RPA3: variants seen among roughly 807,000 people sequenced by gnomAD.
RPA3 encodes replication protein A 14 kDa subunit.
In RPA3, 24 loss-of-function variants were observed where a neutral mutation model predicts 13.7. The ratio of observed to expected loss-of-function variants is 1.75; its 90% CI spans 1.27 to 2.46. The LOEUF is 2.46. Among genes scored for constraint, RPA3 ranks in the 30% most tolerant of loss-of-function variants. The probability of loss-of-function intolerance (pLI) is 0.00; values close to 1 mark genes in which losing one functional copy is unlikely to be tolerated. For synonymous variants in RPA3, 59 were observed against 51.2 expected (o/e 1.15, Z -0.65); for missense variants, 183 against 151.0 (o/e 1.21, Z -1.11).
chr7:7,697,416 C>T (rs1201873106), intron 2 of RPA3, among the ~76,000 whole-genome samples: 3 of 152,066 alleles, frequency 2.0e-5, no homozygotes, highest in Admixed American at 6.6e-5. Flanking sequence ...TATTTCATTT[C>T]CTGTAAGTTA....
intron 4 of RPA3, among the ~76,000 whole-genome samples, chr7:7,648,586 C>A (rs1785150030): frequency 6.6e-6 from 1 of 152,154 alleles, no homozygotes; most frequent in African/African-American, 2.4e-5. Context: ...GGAATTGGCT[C>A]ACTCCTGTAA....
chr7:7,663,323 T>A (rs1293909069), intron 4 of RPA3, among the ~76,000 whole-genome samples: 3 of 148,592 alleles, frequency 2.0e-5, no homozygotes, highest in African/African-American at 7.5e-5. Flanking sequence ...AGTCTGAGCA[T>A]AAATAAGAGA....
At chr7:7,652,247 A>G (rs1027121000) in intron 4 of RPA3, among the ~76,000 whole-genome samples, 2 of 152,140 alleles carry the variant, frequency 1.3e-5, no homozygotes, top group Admixed American at 6.5e-5. Flanking sequence ...CTTTGATAGG[A>G]TTTCCGAGTA....
At chr7:7,667,413 C>T (rs78641424) in intron 4 of RPA3, among the ~76,000 whole-genome samples, 4,601 of 152,182 alleles carry the variant, frequency 0.03, 117 homozygotes, top group South Asian at 0.11. Context: ...TAGAGCTTAC[C>T]GCATACTAGG....
chr7:7,706,106 C>T (rs534765122), intron 2 of RPA3, among the ~76,000 whole-genome samples: 2 of 152,170 alleles, frequency 1.3e-5, no homozygotes, highest in Non-Finnish European at 2.9e-5. Flanking sequence ...ATGATGGAGT[C>T]AGGATGCTAC....
At chr7:7,711,024 C>T (rs1366866687) in intron 2 of RPA3, among the ~76,000 whole-genome samples, 2 of 152,050 alleles carry the variant, frequency 1.3e-5, no homozygotes, top group Middle Eastern at 3.4e-3. Context: ...CATTGGTCGC[C>T]GGTGGGTAAG....
intron 4 of RPA3, among the ~76,000 whole-genome samples, chr7:7,673,106 T>C (rs1779647476): frequency 6.6e-6 from 1 of 152,208 alleles, no homozygotes; most frequent in Non-Finnish European, 1.5e-5. Flanking sequence ...CACTGTGAAC[T>C]TCAAAGGATA....
At chr7:7,686,696 A>C (rs1279236891) in intron 3 of RPA3, among the ~76,000 whole-genome samples, 1 of 152,172 alleles carries the variant, frequency 6.6e-6, no homozygotes, top group Non-Finnish European at 1.5e-5. Flanking sequence ...CTTTAGCTTC[A>C]CTGTGATATG....
rs901206090 is a variant in RPA3, at chr7:7,673,399, G to C, written c.-758+12431C>G. 14 of 1,165,792 alleles carry C rather than the reference G, an allele frequency of 1.2e-5. 1 individual carries two copies. The highest frequency in any genetic ancestry group is 1.6e-5 in the Non-Finnish European group (13 of 806,702). The allele number at this position is 1,165,792 out of a possible 1,614,324, so 72.2% of individuals were successfully genotyped here. On this transcript the variant is annotated intron_variant, in intron 4 of 7. Transcript: ENST00000223129. ...GTTTCACTTCTTCAGAAAGCCTCCG[G>C]AATCTAAAAAGCCCTCAGTACCAGA... is the stretch of plus-strand genomic sequence containing the variant.
At position 7,637,098 on chromosome 7, in the gene RPA3, A is replaced by C. The variant is rs1459687100; in HGVS notation, c.284-16T>G. The C allele has an allele frequency of 6.5e-7, 1 of 1,533,274 alleles. No homozygotes were observed. The highest frequency in any genetic ancestry group is 9.0e-7 in the Non-Finnish European group (1 of 1,107,808). 95.0% of individuals were successfully genotyped at this position (1,533,274 alleles called of 1,614,324 possible). ...AGTCCAAGATCTGAAAGAAACATTTAAGCAAACATTTAATCTACAATGGAA... is the reference window on the plus strand; with the variant it reads ...AGTCCAAGATCTGAAAGAAACATTTCAGCAAACATTTAATCTACAATGGAA... On this transcript the variant is annotated splice_polypyrimidine_tract_variant and intron_variant, in intron 7 of 7. Coordinates refer to ENST00000223129, the MANE Select transcript of RPA3 (RefSeq NM_002947.5).
At chr7:7,673,496 C>G (rs1355701045) in intron 4 of RPA3, 1 of 694,130 alleles carries the variant, frequency 1.4e-6, no homozygotes, top group Admixed American at 2.3e-5. Flanking sequence ...GAATTATGTT[C>G]TCTTTAAAAA....
chr7:7,685,895 T>C lies in RPA3; in HGVS notation c.-823A>G, dbSNP rs1287681534. The C allele has an allele frequency of 6.6e-6, 1 of 152,246 alleles. No individual in the cohort carries two copies. Among genetic ancestry groups the C allele is most frequent in the Admixed American group, 6.5e-5 (1 of 15,276 alleles). The allele number at this position is 152,246 out of a possible 1,614,324, so 9.4% of individuals were successfully genotyped here. On this transcript the variant is annotated 5_prime_UTR_variant, in exon 4 of 8. Coordinates refer to ENST00000223129, the MANE Select transcript of RPA3 (RefSeq NM_002947.5). ...TGGTAAATTAGTGTCGTATCTTTTT[T>C]TGATTGTAGTAATCAGTAAGTGAAC...
intron 2 of RPA3, among the ~76,000 whole-genome samples, chr7:7,690,334 C>G (rs897809196): frequency 6.6e-6 from 1 of 151,666 alleles, no homozygotes; most frequent in East Asian, 1.9e-4. Context: ...TATATGTTTC[C>G]TTTTACCATC....
chr7:7,697,356 T>A (rs890147181), intron 2 of RPA3, among the ~76,000 whole-genome samples: 1 of 152,232 alleles, frequency 6.6e-6, no homozygotes, highest in African/African-American at 2.4e-5. Context: ...GTTGCAGCAT[T>A]TAATTTGTTT....
intron 4 of RPA3, among the ~76,000 whole-genome samples, chr7:7,683,771 C>T (rs1779971276): frequency 6.6e-6 from 1 of 152,084 alleles, no homozygotes; most frequent in Non-Finnish European, 1.5e-5. Flanking sequence ...TACAGGCATG[C>T]ACCACCACAC....
chr7:7,690,877 T>C (rs1214287608), intron 2 of RPA3, among the ~76,000 whole-genome samples: 2 of 152,222 alleles, frequency 1.3e-5, no homozygotes, highest in East Asian at 1.9e-4. Context: ...TTATGACTTA[T>C]ACCTGTTATG....
intron 2 of RPA3, among the ~76,000 whole-genome samples, chr7:7,704,355 A>C (rs1333756751): frequency 6.6e-6 from 1 of 152,146 alleles, no homozygotes; most frequent in Admixed American, 6.5e-5. Flanking sequence ...CTAATATGAA[A>C]AATATTAACA....
At chr7:7,715,688 C>T (rs965086364) in intron 1 of RPA3, among the ~76,000 whole-genome samples, 8 of 152,142 alleles carry the variant, frequency 5.3e-5, no homozygotes, top group East Asian at 1.9e-4. Flanking sequence ...ACCTAAAAGT[C>T]ATAGTTTTAC....
chr7:7,638,105 A>C (rs1238760909), intron 6 of RPA3, 133 bp from the exon 7 acceptor site: 9 of 553,276 alleles, frequency 1.6e-5, no homozygotes, highest in Middle Eastern at 2.8e-4. Flanking sequence ...CCAGTGTAAA[A>C]GTTAAAATGT....
Sources: gnomAD v4.1 joint callset for allele counts (sites outside exome capture counted in the v4.1 genomes callset) on GRCh38, gnomAD v4.1.1 for gene constraint, MANE v1.5 for transcripts, NCBI Gene and HGNC (gene_info 2026-07-23, HGNC 2026-07-21) for gene names.